Variants in AK5 observed in about 807,000 individuals in gnomAD.
AK5 encodes the protein adenylate kinase isoenzyme 5.
In AK5, 27 loss-of-function variants were observed where a neutral mutation model predicts 69.5. The observed-to-expected ratio is 0.39, with a 90% CI of 0.29 to 0.54. The LOEUF (loss-of-function observed/expected upper bound fraction) is 0.54. AK5 is among the 20% of genes least tolerant of loss of function. The probability of loss-of-function intolerance (pLI) is 0.71; values close to 1 mark genes in which losing one functional copy is unlikely to be tolerated. For missense variants in AK5, 531 were observed against 700.4 expected (o/e 0.76, Z 2.73); for synonymous variants, 260 against 244.4 (o/e 1.06, Z -0.60).
intron 8 of AK5, among the ~76,000 whole-genome samples, chr1:77,425,752 T>TTATGATTATATTA: frequency 6.6e-6 from 1 of 152,286 alleles, no homozygotes; most frequent in Admixed American, 6.5e-5. Flanking sequence ...AACAATATAT[T>TTATGATTATATTA]TAATTATATA....
In AK5 at chr1:77,494,505, C is replaced by G. The variant is rs144202209; in HGVS notation, c.1147+8153C>G. 4.2e-4 allele frequency among the ~76,000 whole-genome samples: 64 copies of G among 152,226 alleles called. No individual in the cohort carries two copies. In the East Asian group the frequency reaches 0.01, roughly 24 times the overall value. ...AAGTTCTGTGTACCCTTGGGCCAAC[C>G]CCTTATCTCCTCTGGATTTCTTTTA... On this transcript the variant is annotated intron_variant, in intron 10 of 13. Coordinates refer to ENST00000354567, the MANE Select transcript of AK5 (RefSeq NM_174858.3).
Position 77,411,628 on chromosome 1 carries a change from G to A in AK5, c.982+557G>A, listed in dbSNP as rs140146501. 5.7e-4 allele frequency among the ~76,000 whole-genome samples: 87 copies of A among 152,098 alleles called. 1 individual carries two copies. The highest frequency in any genetic ancestry group is 2.0e-3 in the African/African-American group (82 of 41,502). On this transcript the variant is annotated intron_variant, in intron 7 of 13. Coordinates refer to ENST00000354567, the MANE Select transcript of AK5 (RefSeq NM_174858.3). ...TCCTGACCCCCCTCTCATTCTCTCCGTACTCTGACCCTGAGCCAACTCATT... is the reference window on the plus strand; with the variant it reads ...TCCTGACCCCCCTCTCATTCTCTCCATACTCTGACCCTGAGCCAACTCATT...
chr1:77,535,244 C>T (rs757157960), intron 12 of AK5, among the ~76,000 whole-genome samples: 4 of 152,150 alleles, frequency 2.6e-5, no homozygotes, highest in Admixed American at 6.6e-5. Flanking sequence ...AGTTACAGGT[C>T]AGATTCAAGG....
Position 77,555,991 on chromosome 1 carries a change from C to G in AK5, c.1621-2611C>G, listed in dbSNP as rs566980771. 3.3e-5 allele frequency among the ~76,000 whole-genome samples: 5 copies of G among 152,348 alleles called. No individual in the cohort carries two copies. The South Asian group carries it at 1.0e-3, about 32-fold the overall frequency. Reference sequence around the variant, plus strand: ...AAGCCCCTACCATCCAGATGTAGAACCTGTAGCTGGACAGACAAATTGCAG... The same window carrying G: ...AAGCCCCTACCATCCAGATGTAGAAGCTGTAGCTGGACAGACAAATTGCAG... On this transcript the variant is annotated intron_variant, in intron 13 of 13. Transcript: ENST00000354567.
chr1:77,449,453 C>A (rs1653000511), intron 8 of AK5, among the ~76,000 whole-genome samples: 1 of 152,204 alleles, frequency 6.6e-6, no homozygotes, highest in Non-Finnish European at 1.5e-5. Flanking sequence ...GTGCCTATAC[C>A]TCCATTGTGT....
intron 1 of AK5, 62 bp from the exon 2 acceptor site, chr1:77,286,879 A>G: frequency 9.4e-7 from 1 of 1,060,180 alleles, no homozygotes; most frequent in Non-Finnish European, 1.2e-6. Context: ...AAATTAAATT[A>G]AAGAAAAAAC....
chr1:77,488,971 T>C (rs777574407), intron 10 of AK5, among the ~76,000 whole-genome samples: 1 of 152,218 alleles, frequency 6.6e-6, no homozygotes, highest in Non-Finnish European at 1.5e-5. Flanking sequence ...AATAATGTGG[T>C]CCAAAGAAGC....
chr1:77,555,139 A>C (rs1331178734), intron 13 of AK5, among the ~76,000 whole-genome samples: 1 of 151,994 alleles, frequency 6.6e-6, no homozygotes, highest in Non-Finnish European at 1.5e-5. Flanking sequence ...ATGGCCAGGC[A>C]TGGTGGCACA....
intron 12 of AK5, among the ~76,000 whole-genome samples, chr1:77,525,801 G>A (rs1274854079): frequency 6.6e-6 from 1 of 152,086 alleles, no homozygotes; most frequent in Admixed American, 6.5e-5. Flanking sequence ...TATTCTATTG[G>A]TCTATATATC....
intron 6 of AK5, among the ~76,000 whole-genome samples, chr1:77,408,257 A>G (rs920642426): frequency 2.6e-5 from 4 of 152,186 alleles, no homozygotes; most frequent in Non-Finnish European, 5.9e-5. Context: ...CACCAATAGT[A>G]AAAACATTTC....
At chr1:77,396,337 A>G (rs572219958) in intron 6 of AK5, among the ~76,000 whole-genome samples, 4 of 152,222 alleles carry the variant, frequency 2.6e-5, no homozygotes, top group African/African-American at 9.6e-5. Context: ...CTCCTGCTTC[A>G]TTTATACTTT....
rs1407579056 is a variant in AK5 at position 77,506,254 on chromosome 1, T to TG, written c.1148-12309dup. Among the ~76,000 whole-genome samples the TG allele has an allele frequency of 4.0e-5, 6 of 151,634 alleles. No homozygotes were observed. The South Asian group carries it at 6.2e-4, about 16-fold the overall frequency. On this transcript the variant is annotated intron_variant, in intron 10 of 13. Coordinates refer to ENST00000354567, the MANE Select transcript of AK5 (RefSeq NM_174858.3). ...TTGGTTGGTTGGTTGGTTGGTTGGT[T>TG]GTTTTTTTTCATTTTTTGGGGTTTT...
intron 8 of AK5, among the ~76,000 whole-genome samples, chr1:77,472,441 G>C (rs1654572680): frequency 6.6e-6 from 1 of 152,148 alleles, no homozygotes; most frequent in Non-Finnish European, 1.5e-5. Flanking sequence ...TTCTCCCAAA[G>C]TCCCCCAGAA....
At chr1:77,367,863 T>C (rs866219004) in intron 6 of AK5, among the ~76,000 whole-genome samples, 1,746 of 4,440 alleles carry the variant, frequency 0.39, 611 homozygotes, top group Non-Finnish European at 0.47. Flanking sequence ...TAATATATAA[T>C]ATATGTGATA....
At chr1:77,307,617 T>A (rs1014102871) in intron 5 of AK5, among the ~76,000 whole-genome samples, 3 of 152,232 alleles carry the variant, frequency 2.0e-5, no homozygotes, top group Admixed American at 2.0e-4. Context: ...ATCTATTAGA[T>A]ACATTTGGTC....
chr1:77,417,736 G>C, intron 8 of AK5, 21 bp downstream of exon 8: 1 of 1,441,120 alleles, frequency 6.9e-7, no homozygotes, highest in Non-Finnish European at 9.7e-7. Flanking sequence ...TCTGAAAATA[G>C]TTCTCTATTT....
intron 6 of AK5, among the ~76,000 whole-genome samples, chr1:77,391,364 G>C (rs115712602): frequency 0.082 from 11,839 of 144,024 alleles, 669 homozygotes; most frequent in South Asian, 0.17. Context: ...TTATTTGTCT[G>C]TCTCAGTACT....
At chr1:77,303,526 G>C (rs1169368792) in intron 5 of AK5, among the ~76,000 whole-genome samples, 1 of 152,236 alleles carries the variant, frequency 6.6e-6, no homozygotes, top group Non-Finnish European at 1.5e-5. Flanking sequence ...ATAGAAGAGA[G>C]TTGTATTCTC....
At chr1:77,377,919 C>T (rs1647353252) in intron 6 of AK5, among the ~76,000 whole-genome samples, 1 of 152,212 alleles carries the variant, frequency 6.6e-6, no homozygotes, top group Non-Finnish European at 1.5e-5. Context: ...ATATCACAAT[C>T]TCTATGAAAC....
Sources: allele counts gnomAD v4.1 joint callset (sites outside exome capture counted in the v4.1 genomes callset), GRCh38; gene constraint gnomAD v4.1.1; transcripts MANE v1.5; gene names NCBI Gene and HGNC (gene_info 2026-07-23, HGNC 2026-07-21).